The following TMEM26 variants were observed in gnomAD, a reference collection of about 807,000 sequenced individuals.
TMEM26 encodes the protein transmembrane protein 26.
TMEM26 carries 38 observed loss-of-function variants against 28.8 expected under a neutral mutation model. The observed-to-expected ratio is 1.32, with a 90% confidence interval of 1.02 to 1.73. TMEM26 has a LOEUF of 1.73. Among genes scored for constraint, TMEM26 ranks in the 40% most tolerant of loss-of-function variants. TMEM26 has a pLI of 0.00. For missense variants in TMEM26, 518 were observed against 447.1 expected (o/e 1.16, Z -1.43); for synonymous variants, 227 against 182.9 (o/e 1.24, Z -1.95).
At chr10:61,421,124 G>C (rs1839739880) in intron 4 of TMEM26, among the ~76,000 whole-genome samples, 1 of 151,996 alleles carries the variant, frequency 6.6e-6, no homozygotes, top group African/African-American at 2.4e-5. Context: ...TCAGAATTAA[G>C]TTAGTTTTAC....
chr10:61,447,645 T>TA (rs1416930945), intron 1 of TMEM26, among the ~76,000 whole-genome samples: 1 of 152,174 alleles, frequency 6.6e-6, no homozygotes, highest in Non-Finnish European at 1.5e-5. Context: ...GATACTGGAA[T>TA]AATAAGAAAA....
chr10:61,441,295 C>A (rs943987039), intron 1 of TMEM26, among the ~76,000 whole-genome samples: 5 of 152,156 alleles, frequency 3.3e-5, no homozygotes, highest in Non-Finnish European at 7.4e-5. Flanking sequence ...ATAAAAATTT[C>A]TTCTTGAAAT....
intron 4 of TMEM26, among the ~76,000 whole-genome samples, chr10:61,426,456 CA>C (rs767156008): frequency 1.3e-5 from 2 of 152,016 alleles, no homozygotes; most frequent in African/African-American, 2.4e-5. Flanking sequence ...GTTGCAGAAT[CA>C]GAAGCTTTAC....
chr10:61,432,384 A>G (rs1839936580), intron 2 of TMEM26, among the ~76,000 whole-genome samples: 1 of 152,134 alleles, frequency 6.6e-6, no homozygotes, highest in African/African-American at 2.4e-5. Context: ...AATTTCTCCA[A>G]GTGAATTGTG....
At chr10:61,416,228 T>C in intron 4 of TMEM26, 1 of 384,874 alleles carries the variant, frequency 2.6e-6, no homozygotes, top group Non-Finnish European at 5.1e-6. Context: ...CAAACTTCAA[T>C]AATTCTACCA....
chr10:61,418,845 C>A, intron 4 of TMEM26, among the ~76,000 whole-genome samples: 1 of 152,056 alleles, frequency 6.6e-6, no homozygotes, highest in East Asian at 1.9e-4. Flanking sequence ...AAACTGCAGG[C>A]ATGTTCAGGG....
chr10:61,422,071 A>T (rs994397454), intron 4 of TMEM26, among the ~76,000 whole-genome samples: 5 of 152,148 alleles, frequency 3.3e-5, no homozygotes, highest in Admixed American at 1.3e-4. Context: ...AGAAAAAGTG[A>T]TCATTCATGA....
Position 61,410,122 on chromosome 10 carries a change from G to A in TMEM26, c.*200C>T. ...CTATAACATCTGATACCATCACACA[G>A]AAGTTGTAGCAATAGTCACTAATCA... On this transcript the variant is annotated 3_prime_UTR_variant, in exon 6 of 6. Transcript: ENST00000399298. 1 of 597,014 alleles carries A rather than the reference G, an allele frequency of 1.7e-6. No individual in the cohort carries two copies. Among genetic ancestry groups the A allele is most frequent in the Non-Finnish European group, 2.9e-6 (1 of 339,788 alleles). The allele number at this position is 597,014 out of a possible 1,614,324, so 37.0% of individuals were successfully genotyped here.
intron 3 of TMEM26, 58 bp downstream of exon 3, chr10:61,431,161 G>A: frequency 7.2e-7 from 1 of 1,392,058 alleles, no homozygotes; most frequent in Non-Finnish European, 1.0e-6. Flanking sequence ...GGTAATTGAG[G>A]ATTATACCAA....
At chr10:61,416,631 T>C (rs1016219993) in intron 4 of TMEM26, among the ~76,000 whole-genome samples, 7 of 152,086 alleles carry the variant, frequency 4.6e-5, no homozygotes, top group Admixed American at 1.3e-4. Flanking sequence ...TTGCCTGACA[T>C]GTCTTTGCTT....
At chr10:61,416,132 A>G (rs1223694929) in intron 4 of TMEM26, 1 of 448,830 alleles carries the variant, frequency 2.2e-6, no homozygotes, top group African/African-American at 2.0e-5. Flanking sequence ...GCCTGCAGAA[A>G]AAGTTGTTGA....
At chr10:61,430,958 A>C (rs1293624002) in intron 3 of TMEM26, among the ~76,000 whole-genome samples, 1 of 152,036 alleles carries the variant, frequency 6.6e-6, no homozygotes, top group African/African-American at 2.4e-5. Context: ...CAATGTGCAC[A>C]TATTATCTTC....
chr10:61,438,716 T>G (rs1321663121), intron 1 of TMEM26, among the ~76,000 whole-genome samples: 1 of 152,224 alleles, frequency 6.6e-6, no homozygotes, highest in Non-Finnish European at 1.5e-5. Context: ...TTCAAGATGT[T>G]TTGTGTTGCC....
Position 61,409,174 on chromosome 10 carries a change from A to G in TMEM26, c.*1148T>C, listed in dbSNP as rs1000977886. On this transcript the variant is annotated 3_prime_UTR_variant, in exon 6 of 6. Transcript: ENST00000399298. Reference sequence around the variant, plus strand: ...TCTGAATCACCTCCATCTGGAAAGTATAGAGGTATGTAAAGGAAAAGTATG... The same window carrying G: ...TCTGAATCACCTCCATCTGGAAAGTGTAGAGGTATGTAAAGGAAAAGTATG... The G allele has an allele frequency of 6.6e-6, 1 of 152,256 alleles. No individual in the cohort carries two copies. The highest frequency in any genetic ancestry group is 2.4e-5 in the African/African-American group (1 of 41,462). 9.4% of individuals were successfully genotyped at this position (152,256 alleles called of 1,614,324 possible).
rs973696896 is a variant in TMEM26 at position 61,406,992 on chromosome 10, C to A, written c.*3330G>T. On this transcript the variant is annotated 3_prime_UTR_variant, in exon 6 of 6. Transcript: ENST00000399298. ...GAAAAAAAAAAAATCCCCTTTTTTT[C>A]TTGTAATTCAAGACTGTTTGGTGTT... 2 of 150,596 alleles carry A rather than the reference C, an allele frequency of 1.3e-5. No homozygotes were observed. The highest frequency in any genetic ancestry group is 4.9e-5 in the African/African-American group (2 of 41,022). The allele number at this position is 150,596 out of a possible 1,614,324, so 9.3% of individuals were successfully genotyped here. A position where few individuals can be genotyped will look rare whatever the true frequency, so the allele number is the denominator to read the frequency against.
At chr10:61,412,342 C>T (rs963600504) in intron 5 of TMEM26, among the ~76,000 whole-genome samples, 2 of 151,996 alleles carry the variant, frequency 1.3e-5, no homozygotes, top group Non-Finnish European at 2.9e-5. Flanking sequence ...GCAAGTTTTT[C>T]CATCTATTCC....
intron 4 of TMEM26, among the ~76,000 whole-genome samples, chr10:61,417,666 C>T (rs1240354776): frequency 6.6e-6 from 1 of 151,786 alleles, no homozygotes; most frequent in African/African-American, 2.4e-5. Context: ...GTCAAGTATT[C>T]ACAGGGAAAT....
At chr10:61,421,114 T>C (rs1839739592) in intron 4 of TMEM26, among the ~76,000 whole-genome samples, 1 of 152,064 alleles carries the variant, frequency 6.6e-6, no homozygotes, top group Non-Finnish European at 1.5e-5. Flanking sequence ...TTAGGCTTTA[T>C]CAGAATTAAG....
chr10:61,421,137 T>C (rs112083972), intron 4 of TMEM26, among the ~76,000 whole-genome samples: 18 of 152,062 alleles, frequency 1.2e-4, no homozygotes, highest in African/African-American at 4.3e-4. Flanking sequence ...AGTTTTACCC[T>C]ATAATAGAGT....
Sources: allele counts gnomAD v4.1 joint callset (sites outside exome capture counted in the v4.1 genomes callset), GRCh38; gene constraint gnomAD v4.1.1; transcripts MANE v1.5; gene names NCBI Gene and HGNC (gene_info 2026-07-23, HGNC 2026-07-21).